Variants in MORC1 observed in about 807,000 individuals in gnomAD.
MORC1 encodes MORC family CW-type zinc finger protein 1.
A neutral mutation model predicts 134.9 loss-of-function variants in MORC1; 59 were observed. The ratio of observed to expected loss-of-function variants is 0.44; its 90% CI spans 0.35 to 0.54. MORC1 has a LOEUF of 0.54. Ranked by LOEUF, MORC1 falls within the 20% of genes least tolerant of loss-of-function variation. The pLI is 0.00. For synonymous variants in MORC1, 395 were observed against 391.7 expected (o/e 1.01, Z -0.10); for missense variants, 947 against 1,134.5 (o/e 0.83, Z 2.37).
In MORC1 at chr3:109,096,530, A is replaced by G. The variant is rs183276756; in HGVS notation, c.424-1462T>C. ...AGTTTACAAGTGCCATGGGAATGTC[A>G]GGAAGTTGCCCTATATGGTCTAAAA... On this transcript the variant is annotated intron_variant, in intron 6 of 27. Transcript: ENST00000232603. Among the ~76,000 whole-genome samples, 3 of 152,314 alleles carry G rather than the reference A, an allele frequency of 2.0e-5. No individual in the cohort carries two copies. The East Asian group carries it at 5.8e-4, about 29-fold the overall frequency.
chr3:108,989,725 A>G (rs746829983), intron 21 of MORC1, among the ~76,000 whole-genome samples: 2 of 152,126 alleles, frequency 1.3e-5, no homozygotes, highest in African/African-American at 4.8e-5. Flanking sequence ...CTTTCTGCCA[A>G]CTTCAAAGAC....
chr3:109,048,397 A>G (rs1181356779), intron 14 of MORC1, among the ~76,000 whole-genome samples: 1 of 152,184 alleles, frequency 6.6e-6, no homozygotes, highest in Non-Finnish European at 1.5e-5. Flanking sequence ...AGGGTCTGAG[A>G]CTGCCTTCAT....
chr3:109,100,604 A>G (rs527828297), intron 4 of MORC1, 97 bp from the exon 5 acceptor site: 2 of 896,030 alleles, frequency 2.2e-6, no homozygotes, highest in East Asian at 2.5e-5. Context: ...GAACATCAGG[A>G]CAAACCCATA....
intron 5 of MORC1, among the ~76,000 whole-genome samples, 174 bp downstream of exon 5, chr3:109,100,242 CA>C (rs1020555696): frequency 3.2e-4 from 45 of 141,354 alleles, no homozygotes; most frequent in Admixed American, 4.2e-4. Flanking sequence ...GAATCTGTCT[CA>C]AAAAAAAAAA....
In MORC1 at chr3:108,970,890, AGAG is replaced by A. The variant is rs1182510740; in HGVS notation, c.2550+437_2550+439del. ...CCAATCACATCTGGTACTGTTCCTG[AGAG>A]GAGATTTGGTAAACACAATTTTCTT... On this transcript the variant is annotated intron_variant, in intron 25 of 27. Coordinates refer to ENST00000232603, the MANE Select transcript of MORC1 (RefSeq NM_014429.4). Among the ~76,000 whole-genome samples the A allele has an allele frequency of 2.0e-5, 3 of 152,312 alleles. No homozygotes were observed. The East Asian group carries it at 5.8e-4, about 29-fold the overall frequency.
intron 12 of MORC1, among the ~76,000 whole-genome samples, chr3:109,058,971 A>T (rs1338887843): frequency 6.6e-6 from 1 of 152,130 alleles, no homozygotes; most frequent in Non-Finnish European, 1.5e-5. Context: ...TTTTATTTCT[A>T]AAGACCTTAG....
chr3:109,016,273 A>G (rs1948814024), intron 17 of MORC1, among the ~76,000 whole-genome samples: 4 of 152,018 alleles, frequency 2.6e-5, no homozygotes, highest in Admixed American at 2.6e-4. Flanking sequence ...TAATTCTCAT[A>G]CTCTTCTGGA....
chr3:109,101,986 A>G (rs1457310521), intron 4 of MORC1, among the ~76,000 whole-genome samples: 1 of 152,238 alleles, frequency 6.6e-6, no homozygotes, highest in East Asian at 1.9e-4. Context: ...CATGGGAATA[A>G]ACCACTGAAC....
At chr3:109,066,286 T>G (rs952063919) in intron 9 of MORC1, among the ~76,000 whole-genome samples, 5 of 151,344 alleles carry the variant, frequency 3.3e-5, no homozygotes, top group Non-Finnish European at 5.9e-5. Flanking sequence ...TTCTCTTTTT[T>G]TCTTTTTTTT....
chr3:109,097,692 C>T (rs1182876362), intron 6 of MORC1, among the ~76,000 whole-genome samples: 3 of 151,920 alleles, frequency 2.0e-5, no homozygotes, highest in Admixed American at 6.6e-5. Flanking sequence ...CACAGTGACA[C>T]GAACACAGAA....
rs373957735 is a variant in MORC1 at position 109,005,242 on chromosome 3, A to G, written c.1841T>C (p.Leu614Pro). ...TTTCTGTCCTCTACGGCTCGCTGAAAGCTCAAAGGATGAAAGAGATTCATG... is the reference window on the plus strand; with the variant it reads ...TTTCTGTCCTCTACGGCTCGCTGAAGGCTCAAAGGATGAAAGAGATTCATG... ...LKHESLSSFE[L>P]SASRRGQKRN... The change falls in exon 19 of 28, where the codon CTT becomes CCT. Residue 614 changes from leucine (L) to proline (P), a missense_variant. Physicochemically the swap from Leu to Pro is moderately conservative, Grantham distance 98 (BLOSUM62 -3). Transcript: ENST00000232603. 4 of 1,613,780 alleles carry G rather than the reference A, an allele frequency of 2.5e-6. No individual in the cohort carries two copies. The African/African-American group carries it at 4.0e-5, about 16-fold the overall frequency.
chr3:109,045,771 G>A (rs1949681773), intron 14 of MORC1, among the ~76,000 whole-genome samples: 1 of 152,126 alleles, frequency 6.6e-6, no homozygotes, highest in South Asian at 2.1e-4. Flanking sequence ...AAGTTATGTG[G>A]CAGCTGCTGT....
At chr3:109,037,111 A>G (rs1352083924) in intron 14 of MORC1, among the ~76,000 whole-genome samples, 1 of 152,164 alleles carries the variant, frequency 6.6e-6, no homozygotes, top group Non-Finnish European at 1.5e-5. Context: ...CAATTGTCCT[A>G]CACATTCTTT....
intron 26 of MORC1, 57 bp from the exon 27 acceptor site, chr3:108,963,665 A>G: frequency 3.5e-6 from 4 of 1,138,276 alleles, no homozygotes; most frequent in Non-Finnish European, 4.9e-6. Context: ...TTTCCCTCTA[A>G]TATCACTAGA....
chr3:109,039,787 G>C (rs1559911914), intron 14 of MORC1, among the ~76,000 whole-genome samples: 1 of 152,120 alleles, frequency 6.6e-6, no homozygotes, highest in African/African-American at 2.4e-5. Context: ...AAGTATAGAT[G>C]AAGAGGTGAA....
intron 1 of MORC1, among the ~76,000 whole-genome samples, chr3:109,115,848 C>A (rs1165067618): frequency 6.6e-6 from 1 of 152,154 alleles, no homozygotes; most frequent in Non-Finnish European, 1.5e-5. Flanking sequence ...CAGATTTTGA[C>A]TGAGTGCTAA....
chr3:108,987,235 A>G lies in MORC1; in HGVS notation c.2188-286T>C, dbSNP rs192530196. Among the ~76,000 whole-genome samples the G allele has an allele frequency of 1.3e-3, 191 of 152,318 alleles. 1 individual carries two copies. Among genetic ancestry groups the G allele is most frequent in the African/African-American group, 4.5e-3 (187 of 41,552 alleles). On this transcript the variant is annotated intron_variant, in intron 21 of 27. Transcript: ENST00000232603. ...TTGTGCAGATATTTTAAAAATTGAT[A>G]TTACACATTGATGTAACAATGTCTA...
intron 21 of MORC1, among the ~76,000 whole-genome samples, chr3:108,996,286 GCACACA>G (rs66629906): frequency 1.6e-4 from 23 of 146,374 alleles, no homozygotes; most frequent in African/African-American, 3.3e-4. Context: ...GCGCGCGCGC[GCACACA>G]CACACACACA....
chr3:109,036,395 A>G (rs2107619919), intron 14 of MORC1, among the ~76,000 whole-genome samples: 1 of 152,354 alleles, frequency 6.6e-6, no homozygotes, highest in East Asian at 1.9e-4. Flanking sequence ...GAAAGTTTTA[A>G]CAGTGGATAT....
Sources: gnomAD v4.1 joint callset for allele counts (sites outside exome capture counted in the v4.1 genomes callset) on GRCh38, gnomAD v4.1.1 for gene constraint, MANE v1.5 for transcripts, NCBI Gene and HGNC (gene_info 2026-07-23, HGNC 2026-07-21) for gene names.